Variants in GPR158 observed in about 807,000 individuals in gnomAD.
GPR158 encodes G protein-coupled receptor 158, also known as metabotropic glycine receptor.
In GPR158, 30 loss-of-function variants were observed where a neutral mutation model predicts 78.2. That is an observed-to-expected ratio of 0.38 (90% CI 0.29 to 0.52). The LOEUF (loss-of-function observed/expected upper bound fraction) is 0.52, where lower values mean the gene tolerates loss of function less well. GPR158 is among the 20% of genes least tolerant of loss of function. GPR158 has a pLI of 0.83. For missense variants in GPR158, 1,463 were observed against 1,523.5 expected, an observed-to-expected ratio of 0.96 and a Z score of 0.66; for synonymous variants, 581 against 591.1, an observed-to-expected ratio of 0.98 and a Z score of 0.25.
chr10:25,289,774 G>A (rs866335697), intron 2 of GPR158, among the ~76,000 whole-genome samples: 13 of 152,150 alleles, frequency 8.5e-5, no homozygotes, highest in African/African-American at 1.9e-4. Flanking sequence ...GTCCACAAAC[G>A]TGAGGGATTG....
At chr10:25,216,592 A>G (rs1853218968) in intron 1 of GPR158, among the ~76,000 whole-genome samples, 2 of 152,116 alleles carry the variant, frequency 1.3e-5, no homozygotes. Context: ...AAAGATATAG[A>G]CCATGGAAAT....
intron 6 of GPR158, among the ~76,000 whole-genome samples, chr10:25,562,796 TA>T (rs1564490697): frequency 6.6e-6 from 1 of 152,226 alleles, no homozygotes; most frequent in Non-Finnish European, 1.5e-5. Flanking sequence ...CTAGTTGGCT[TA>T]TGATGCTGTT....
chr10:25,276,342 A>G (rs765404938), intron 2 of GPR158, among the ~76,000 whole-genome samples: 21 of 152,168 alleles, frequency 1.4e-4, no homozygotes, highest in Non-Finnish European at 4.4e-5. Context: ...AGAAAAACCA[A>G]AAAAACAAAA....
At chr10:25,313,671 C>A (rs1318833145) in intron 2 of GPR158, among the ~76,000 whole-genome samples, 1 of 151,888 alleles carries the variant, frequency 6.6e-6, no homozygotes, top group Non-Finnish European at 1.5e-5. Flanking sequence ...TACTATAGTT[C>A]TTGGAATAAA....
chr10:25,459,854 T>G (rs1203352571), intron 4 of GPR158, among the ~76,000 whole-genome samples: 1 of 152,212 alleles, frequency 6.6e-6, no homozygotes, highest in Non-Finnish European at 1.5e-5. Flanking sequence ...TCTATGGGTT[T>G]GATATCTGGC....
At chr10:25,569,226 T>C (rs1454509750) in intron 6 of GPR158, among the ~76,000 whole-genome samples, 1 of 152,052 alleles carries the variant, frequency 6.6e-6, no homozygotes, top group African/African-American at 2.4e-5. Context: ...AGCTATACAA[T>C]AAATACCCAA....
intron 5 of GPR158, among the ~76,000 whole-genome samples, chr10:25,483,942 A>C (rs7894321): frequency 0.018 from 2,678 of 152,306 alleles, 84 homozygotes; most frequent in African/African-American, 0.061. Flanking sequence ...TAAAGCAATT[A>C]TACACATGCA....
chr10:25,239,156 C>T (rs1853570201), intron 2 of GPR158, among the ~76,000 whole-genome samples: 1 of 152,082 alleles, frequency 6.6e-6, no homozygotes, highest in South Asian at 2.1e-4. Flanking sequence ...CTTTGTCTAA[C>T]TCTTGCTAAT....
intron 5 of GPR158, among the ~76,000 whole-genome samples, chr10:25,484,857 G>A (rs910813212): frequency 6.6e-6 from 1 of 152,030 alleles, no homozygotes; most frequent in Non-Finnish European, 1.5e-5. Flanking sequence ...CATTTCTAGA[G>A]CCTGATTAGC....
chr10:25,220,697 C>T (rs1004348746), intron 1 of GPR158, among the ~76,000 whole-genome samples: 1 of 152,146 alleles, frequency 6.6e-6, no homozygotes, highest in African/African-American at 2.4e-5. Context: ...ATTTACTTTA[C>T]TAGAAGGGGT....
At chr10:25,563,009 C>A (rs917326102) in intron 6 of GPR158, among the ~76,000 whole-genome samples, 1 of 151,896 alleles carries the variant, frequency 6.6e-6, no homozygotes, top group African/African-American at 2.4e-5. Flanking sequence ...AGGGATTGAC[C>A]CTTTTATAAT....
chr10:25,328,408 C>G (rs1855066312), intron 2 of GPR158, among the ~76,000 whole-genome samples: 1 of 151,966 alleles, frequency 6.6e-6, no homozygotes, highest in South Asian at 2.1e-4. Flanking sequence ...AATATATGTA[C>G]TAATATTTAT....
intron 4 of GPR158, among the ~76,000 whole-genome samples, chr10:25,431,821 G>A (rs1340553223): frequency 6.6e-6 from 1 of 152,084 alleles, no homozygotes; most frequent in Non-Finnish European, 1.5e-5. Context: ...AGAACACATG[G>A]ACACAGGAAG....
intron 2 of GPR158, among the ~76,000 whole-genome samples, chr10:25,301,119 T>A (rs1854587258): frequency 6.6e-6 from 1 of 152,206 alleles, no homozygotes; most frequent in African/African-American, 2.4e-5. Flanking sequence ...CCATTCTTAA[T>A]CCCTTCAAAA....
intron 2 of GPR158, among the ~76,000 whole-genome samples, chr10:25,247,020 C>G (rs1236063081): frequency 1.3e-5 from 2 of 152,130 alleles, no homozygotes; most frequent in Admixed American, 6.6e-5. Flanking sequence ...TCAACGGTGC[C>G]TTTTTAGCCA....
intron 7 of GPR158, among the ~76,000 whole-genome samples, chr10:25,584,524 T>C (rs945264135): frequency 5.9e-5 from 9 of 152,258 alleles, no homozygotes. Context: ...CTAATTAACC[T>C]GATAACTACT....
At chr10:25,240,054 G>A (rs1414457675) in intron 2 of GPR158, among the ~76,000 whole-genome samples, 1 of 152,090 alleles carries the variant, frequency 6.6e-6, no homozygotes, top group African/African-American at 2.4e-5. Context: ...AGCAAAACAA[G>A]TCAATTACTC....
At chr10:25,426,249 A>T (rs759950070) in intron 4 of GPR158, among the ~76,000 whole-genome samples, 1 of 152,166 alleles carries the variant, frequency 6.6e-6, no homozygotes, top group Non-Finnish European at 1.5e-5. Flanking sequence ...TGCTATCCAG[A>T]CCACTCAAAC....
intron 4 of GPR158, among the ~76,000 whole-genome samples, chr10:25,420,822 G>A (rs1314090586): frequency 6.6e-6 from 1 of 152,106 alleles, no homozygotes; most frequent in Admixed American, 6.5e-5. Flanking sequence ...CCGTTGGTCT[G>A]TGTGCCCCTC....
Sources: allele counts gnomAD v4.1 joint callset (sites outside exome capture counted in the v4.1 genomes callset), GRCh38; gene constraint gnomAD v4.1.1; transcripts MANE v1.5; gene names NCBI Gene and HGNC (gene_info 2026-07-23, HGNC 2026-07-21).